SERINC5: variants seen among roughly 807,000 people sequenced by gnomAD.
SERINC5 encodes the protein serine incorporator 5, also known as chromosome 5 open reading frame 12.
In SERINC5, 41 loss-of-function variants were observed where a neutral mutation model predicts 63.1. The ratio of observed to expected loss-of-function variants is 0.65; its 90% CI spans 0.51 to 0.84. The LOEUF is 0.84. SERINC5 is among the 40% of genes least tolerant of loss of function. The pLI, the probability that SERINC5 is intolerant of heterozygous loss-of-function variation, is 0.00. For synonymous variants in SERINC5, 222 were observed against 215.2 expected (o/e 1.03, Z -0.28); for missense variants, 523 against 573.0 (o/e 0.91, Z 0.89).
intron 1 of SERINC5, among the ~76,000 whole-genome samples, chr5:80,233,424 T>A (rs1751542555): frequency 6.6e-6 from 1 of 152,006 alleles, no homozygotes; most frequent in African/African-American, 2.4e-5. Flanking sequence ...CAAAACTCCA[T>A]CTCAAAAAAA....
chr5:80,125,715 C>T (rs1561349799), intron 11 of SERINC5, among the ~76,000 whole-genome samples: 1 of 152,128 alleles, frequency 6.6e-6, no homozygotes, highest in Non-Finnish European at 1.5e-5. Flanking sequence ...TGGGCAGTTG[C>T]TGCATTAACT....
intron 1 of SERINC5, among the ~76,000 whole-genome samples, chr5:80,230,805 CTCTCTT>C (rs1751407759): frequency 4.6e-5 from 7 of 152,058 alleles, no homozygotes; most frequent in Admixed American, 1.3e-4. Flanking sequence ...TTCTCTCTCT[CTCTCTT>C]TCCTTTCTTT....
intron 11 of SERINC5, among the ~76,000 whole-genome samples, chr5:80,113,851 GCAT>G (rs1561343415): frequency 6.6e-6 from 1 of 151,918 alleles, no homozygotes; most frequent in Non-Finnish European, 1.5e-5. Context: ...ACTATATCAT[GCAT>G]CACCACCTGA....
chr5:80,255,884 G>A lies in SERINC5; in HGVS notation c.27+12C>T, dbSNP rs1752657410. 2 of 1,589,778 alleles carry A rather than the reference G, an allele frequency of 1.3e-6. No individual in the cohort carries two copies. Among genetic ancestry groups the A allele is most frequent in the South Asian group, 1.1e-5 (1 of 89,138 alleles). ...ATCTGACAACCCCCGCGCTGCGCCC[G>A]GCCTCGCTCACCTGGCCCGCACAGC... On this transcript the variant is annotated intron_variant, in intron 1 of 11. Transcript: ENST00000507668.
At chr5:80,211,206 A>C (rs563476141) in intron 1 of SERINC5, among the ~76,000 whole-genome samples, 1 of 152,222 alleles carries the variant, frequency 6.6e-6, no homozygotes, top group Non-Finnish European at 1.5e-5. Context: ...CTTCAAGCAC[A>C]CGTGAGACAA....
Position 80,142,850 on chromosome 5 carries a change from G to T in SERINC5, c.*813C>A, listed in dbSNP as rs1267115731. On this transcript the variant is annotated 3_prime_UTR_variant, in exon 12 of 12. Coordinates refer to ENST00000507668, the MANE Select transcript of SERINC5 (RefSeq NM_001174072.3). ...GATAGCCCTCCATTGCTTAGGCAGAGAAAACATGAATCTTGTTCTATAATC... is the reference window on the plus strand; with the variant it reads ...GATAGCCCTCCATTGCTTAGGCAGATAAAACATGAATCTTGTTCTATAATC... 1 of 985,288 alleles carries T rather than the reference G, an allele frequency of 1.0e-6. No homozygotes were observed. The highest frequency in any genetic ancestry group is 1.7e-5 in the African/African-American group (1 of 57,238). The allele number at this position is 985,288 out of a possible 1,614,324, so 61.0% of individuals were successfully genotyped here.
At chr5:80,122,216 A>ATATATATATATATAATG (rs1561348089) in intron 11 of SERINC5, among the ~76,000 whole-genome samples, 1 of 67,514 alleles carries the variant, frequency 1.5e-5, no homozygotes, top group African/African-American at 7.1e-5. Context: ...TATATATAAT[A>ATATATATATATATAATG]TGAGTTTATT....
chr5:80,169,186 C>A (rs1265646207), intron 6 of SERINC5, 149 bp downstream of exon 6: 4 of 638,714 alleles, frequency 6.3e-6, no homozygotes, highest in Admixed American at 2.9e-5. Flanking sequence ...GAGACTGGAG[C>A]CCCACCTTGC....
At chr5:80,253,106 C>T (rs1399308771) in intron 1 of SERINC5, among the ~76,000 whole-genome samples, 6 of 152,200 alleles carry the variant, frequency 3.9e-5, no homozygotes, top group Non-Finnish European at 8.8e-5. Flanking sequence ...CCCAGTGGCT[C>T]AGGCCAGAAA....
intron 12 of SERINC5, among the ~76,000 whole-genome samples, chr5:80,112,787 A>T (rs1744170209): frequency 6.6e-6 from 1 of 152,088 alleles, no homozygotes; most frequent in Admixed American, 6.5e-5. Flanking sequence ...TTTCTAAAAA[A>T]TAAATAAATA....
At chr5:80,181,882 C>T (rs1189964352) in intron 2 of SERINC5, among the ~76,000 whole-genome samples, 1 of 152,188 alleles carries the variant, frequency 6.6e-6, no homozygotes, top group African/African-American at 2.4e-5. Flanking sequence ...GCACAACCAA[C>T]CAGATTAACC....
At chr5:80,162,866 T>C (rs1422235170) in intron 7 of SERINC5, among the ~76,000 whole-genome samples, 2 of 150,890 alleles carry the variant, frequency 1.3e-5, no homozygotes, top group African/African-American at 4.9e-5. Flanking sequence ...TGAGGCGGAG[T>C]TTCACTCTGT....
intron 7 of SERINC5, among the ~76,000 whole-genome samples, chr5:80,162,615 C>G (rs1747015310): frequency 1.3e-5 from 2 of 152,222 alleles, no homozygotes; most frequent in Admixed American, 1.3e-4. Context: ...CTCAAGCCAT[C>G]CTCCCACCTT....
intron 7 of SERINC5, among the ~76,000 whole-genome samples, chr5:80,165,022 C>T (rs1452330760): frequency 2.1e-5 from 3 of 144,248 alleles, no homozygotes; most frequent in Non-Finnish European, 4.5e-5. Context: ...AGATTACAGG[C>T]ATGTGCCACC....
intron 1 of SERINC5, among the ~76,000 whole-genome samples, chr5:80,219,605 C>T (rs977809072): frequency 4.6e-5 from 7 of 152,168 alleles, no homozygotes; most frequent in Admixed American, 1.3e-4. Flanking sequence ...CCAAGGCAAG[C>T]TGGCACAAAG....
chr5:80,213,999 T>TA (rs1268486111), intron 1 of SERINC5, among the ~76,000 whole-genome samples: 2 of 152,216 alleles, frequency 1.3e-5, no homozygotes, highest in African/African-American at 4.8e-5. Flanking sequence ...ATTACACATC[T>TA]AATACATGTG....
At position 80,177,934 on chromosome 5, in the gene SERINC5, G is replaced by A; in HGVS notation, c.326C>T (p.Thr109Ile). The change falls in exon 3 of 12, where the codon ACC (threonine) becomes ATC (isoleucine). Residue 109 changes from threonine to isoleucine, a missense_variant. Thr to Ile is a moderately conservative substitution (Grantham distance 89, BLOSUM62 -1). Coordinates refer to ENST00000507668, the MANE Select transcript of SERINC5 (RefSeq NM_001174072.3). ...ACTTTTGCTGTTGTTGATTTTCAAG[G>A]TCAGTAGACAGAAGATAAAGAAGAA... ...ACFFFIFCLL[T>I]LKINNSKSCR... is the part of the protein sequence containing the mutation. 2 of 1,612,084 alleles carry A rather than the reference G, an allele frequency of 1.2e-6. No individual in the cohort carries two copies. Among genetic ancestry groups the A allele is most frequent in the East Asian group, 4.5e-5 (2 of 44,818 alleles).
chr5:80,250,054 C>G (rs1260266873), intron 1 of SERINC5, among the ~76,000 whole-genome samples: 3 of 152,048 alleles, frequency 2.0e-5, no homozygotes, highest in Non-Finnish European at 2.9e-5. Flanking sequence ...CAATAGGGAA[C>G]AAGAGTTCTG....
intron 2 of SERINC5, among the ~76,000 whole-genome samples, chr5:80,179,234 G>A (rs1016549205): frequency 1.3e-5 from 2 of 152,148 alleles, no homozygotes; most frequent in Non-Finnish European, 2.9e-5. Flanking sequence ...GGGAGGCAGA[G>A]GTTGCAGCGA....
Sources: allele counts gnomAD v4.1 joint callset (sites outside exome capture counted in the v4.1 genomes callset), GRCh38; gene constraint gnomAD v4.1.1; transcripts MANE v1.5; gene names NCBI Gene and HGNC (gene_info 2026-07-23, HGNC 2026-07-21).